The following SPDYE21 variants were observed in gnomAD, a reference collection of about 807,000 sequenced individuals.
SPDYE21 encodes speedy/RINGO cell cycle regulator family member E21.
SPDYE21 carries 14 observed loss-of-function variants against 36.2 expected under a neutral mutation model. That is an observed-to-expected ratio of 0.39 (90% CI 0.26 to 0.61). SPDYE21 has a LOEUF of 0.61. Ranked by LOEUF, SPDYE21 falls within the 20% of genes least tolerant of loss-of-function variation. SPDYE21 has a pLI of 0.55. For synonymous variants in SPDYE21, 58 were observed against 155.1 expected, an observed-to-expected ratio of 0.37 and a Z score of 4.65; for missense variants, 233 against 424.6, an observed-to-expected ratio of 0.55 and a Z score of 3.97.
chr7:67,287,822 C>G lies in SPDYE21; in HGVS notation c.*350C>G, dbSNP rs1802767451. ...GAATTCCAACCTCCCTGGGGCGGAACCTGGAGGTGCTGTTTCTTACGGACT... is the reference window on the plus strand; with the variant it reads ...GAATTCCAACCTCCCTGGGGCGGAAGCTGGAGGTGCTGTTTCTTACGGACT... On this transcript the variant is annotated 3_prime_UTR_variant, in exon 9 of 9. Coordinates refer to ENST00000424157, the MANE Select transcript of SPDYE21 (RefSeq NM_001382715.2). Among the ~76,000 whole-genome samples, 1 of 152,168 alleles carries G rather than the reference C, an allele frequency of 6.6e-6. No individual in the cohort carries two copies. Among genetic ancestry groups the G allele is most frequent in the African/African-American group, 2.4e-5 (1 of 41,434 alleles).
chr7:67,285,293 A>T (rs1467059435), intron 6 of SPDYE21, among the ~76,000 whole-genome samples: 1 of 152,158 alleles, frequency 6.6e-6, no homozygotes, highest in Admixed American at 6.6e-5. Context: ...ATAGCTCACC[A>T]CAGCCTCCAT....
chr7:67,284,159 G>C (rs1456178801), intron 6 of SPDYE21, among the ~76,000 whole-genome samples, 161 bp downstream of exon 6: 1 of 148,608 alleles, frequency 6.7e-6, no homozygotes, highest in African/African-American at 2.5e-5. Context: ...TTTCTAAACA[G>C]AAACTCAGGC....
In SPDYE21 at chr7:67,277,005, G is replaced by A. The variant is rs1218845423; in HGVS notation, c.-480G>A. ...TTCAGTGTGTGCCTTTTCTATGAGC[G>A]AGAGACTCCTAGGAAAGCAGCAGCC... On this transcript the variant is annotated 5_prime_UTR_variant, in exon 1 of 9. Coordinates refer to ENST00000424157, the MANE Select transcript of SPDYE21 (RefSeq NM_001382715.2). Among the ~76,000 whole-genome samples, 5 of 152,022 alleles carry A rather than the reference G, an allele frequency of 3.3e-5. No individual in the cohort carries two copies. Among genetic ancestry groups the A allele is most frequent in the African/African-American group, 9.7e-5 (4 of 41,392 alleles).
intron 6 of SPDYE21, among the ~76,000 whole-genome samples, chr7:67,285,363 G>A (rs1802711728): frequency 6.6e-6 from 1 of 151,326 alleles, no homozygotes; most frequent in African/African-American, 2.4e-5. Context: ...CTACAGGGCT[G>A]TGCCACCACA....
rs1802786697 is a variant in SPDYE21, at chr7:67,288,731, A to G, written c.*1259A>G. Among the ~76,000 whole-genome samples the G allele has an allele frequency of 7.0e-6, 1 of 143,220 alleles. No individual in the cohort carries two copies. Among genetic ancestry groups the G allele is most frequent in the Non-Finnish European group, 1.6e-5 (1 of 64,512 alleles). The allele number at this position is 143,220 out of a possible 152,430, so 94.0% of individuals were successfully genotyped here. A position where few individuals can be genotyped will look rare whatever the true frequency, so the allele number is the denominator to read the frequency against. On this transcript the variant is annotated 3_prime_UTR_variant, in exon 9 of 9. Coordinates refer to ENST00000424157, the MANE Select transcript of SPDYE21 (RefSeq NM_001382715.2). ...TGAAGGGAGCATGTTTTTATCTATG[A>G]TACTTAGTTAACATATATATTACAT...
chr7:67,286,861 C>T (rs1802746510), intron 8 of SPDYE21, among the ~76,000 whole-genome samples, 197 bp downstream of exon 8: 1 of 151,972 alleles, frequency 6.6e-6, no homozygotes, highest in Non-Finnish European at 1.5e-5. Context: ...GGGAGGATTG[C>T]TGGAGCCTGG....
At chr7:67,278,170 A>G (rs190927102) in intron 1 of SPDYE21, among the ~76,000 whole-genome samples, 122 bp from the exon 2 acceptor site, 5 of 74,086 alleles carry the variant, frequency 6.7e-5, no homozygotes, top group Non-Finnish European at 1.4e-4. Context: ...ACTCTTGTAC[A>G]TGATAATCTC....
intron 2 of SPDYE21, among the ~76,000 whole-genome samples, chr7:67,279,183 CA>C (rs1223759313): frequency 0.015 from 1,710 of 115,580 alleles, 29 homozygotes; most frequent in African/African-American, 0.044. Flanking sequence ...ACTGCACTCC[CA>C]AAAAAAAAAA....
chr7:67,287,131 C>T (rs1356414364), intron 8 of SPDYE21, among the ~76,000 whole-genome samples: 3 of 152,158 alleles, frequency 2.0e-5, no homozygotes, highest in East Asian at 1.9e-4. Context: ...ACTCGTGGTT[C>T]GTGATGTTGT....
In SPDYE21 at chr7:67,286,267, T is replaced by A. The variant is rs879078655; in HGVS notation, c.979T>A (p.Tyr327Asn). 24 of 1,579,544 alleles carry A rather than the reference T, an allele frequency of 1.5e-5. No homozygotes were observed. In the Middle Eastern group the frequency reaches 1.3e-3, roughly 85 times the overall value. ...GRSMNPRARKYRSRIPLVRKR... is the reference protein window; with the variant it reads ...GRSMNPRARKNRSRIPLVRKR... The stretch of plus-strand genomic sequence containing the variant: ...TTCCATGAACCCGAGGGCCAGGAAG[T>A]ACCGCTCTCGCATACCCTTGGTCCG... The change falls in exon 7 of 9, where the codon TAC (tyrosine) becomes AAC (asparagine). Residue 327 changes from tyrosine (Y) to asparagine (N), a missense_variant. Physicochemically the swap from Tyr to Asn is moderately radical, Grantham distance 143. This residue lies in a region of SPDYE21 where 139 missense variants were observed against 175.8 expected (regional missense o/e 0.79). Coordinates refer to ENST00000424157, the MANE Select transcript of SPDYE21 (RefSeq NM_001382715.2).
chr7:67,281,079 C>CACA (rs1357111652), intron 3 of SPDYE21, among the ~76,000 whole-genome samples: 10 of 99,814 alleles, frequency 1.0e-4, no homozygotes, highest in African/African-American at 3.2e-4. Flanking sequence ...AAGACTGTTT[C>CACA]GCAACAACAA....
At chr7:67,284,299 A>T (rs1412879760) in intron 6 of SPDYE21, among the ~76,000 whole-genome samples, 1 of 151,740 alleles carries the variant, frequency 6.6e-6, no homozygotes. Context: ...AACTAGAAAA[A>T]TTAGCTGGGC....
In SPDYE21 at chr7:67,288,171, AT is replaced by A. The variant is rs1250287734; in HGVS notation, c.*706del. ...ATCCTAAATATTTTATTATCTTTAA[AT>A]TTTTTTCTGTATTATTATATGTGCT... On this transcript the variant is annotated 3_prime_UTR_variant, in exon 9 of 9. Transcript: ENST00000424157. Among the ~76,000 whole-genome samples, 21 of 151,358 alleles carry A rather than the reference AT, an allele frequency of 1.4e-4. No individual in the cohort carries two copies. The highest frequency in any genetic ancestry group is 7.9e-4 in the Admixed American group (12 of 15,190).
At position 67,286,609 on chromosome 7, in the gene SPDYE21, A is replaced by C. The variant is rs199633489; in HGVS notation, c.1199A>C (p.His400Pro). Among the ~76,000 whole-genome samples, 1 of 151,440 alleles carries C rather than the reference A, an allele frequency of 6.6e-6. No homozygotes were observed. Among genetic ancestry groups the C allele is most frequent in the African/African-American group, 2.4e-5 (1 of 41,236 alleles). Residue 400 changes from histidine (H) to proline (P), a missense_variant, in exon 8 of 9, where the codon CAC becomes CCC. Physicochemically the swap from His to Pro is moderately conservative, Grantham distance 77. Transcript: ENST00000424157. ...EHWVWARDRA[H>P]LS is the part of the protein sequence containing the mutation. ...TGGGTGTGGGCACGAGATCGCGCTC[A>C]CCTTTCCTAGAGCTCCAGGGACCGT... is the stretch of plus-strand genomic sequence containing the variant.
chr7:67,277,339 A>G (rs1219580470), intron 1 of SPDYE21, among the ~76,000 whole-genome samples: 1 of 151,826 alleles, frequency 6.6e-6, no homozygotes, highest in Non-Finnish European at 1.5e-5. Context: ...GATTACAGGC[A>G]TGAGCCACTG....
chr7:67,282,258 A>G (rs913688518), intron 4 of SPDYE21, among the ~76,000 whole-genome samples: 2 of 152,186 alleles, frequency 1.3e-5, no homozygotes, highest in Non-Finnish European at 1.5e-5. Context: ...TCTAAACCTA[A>G]GTGTCTCCAT....
intron 5 of SPDYE21, among the ~76,000 whole-genome samples, chr7:67,283,333 T>C (rs970472373): frequency 2.0e-5 from 3 of 152,142 alleles, no homozygotes; most frequent in Non-Finnish European, 2.9e-5. Flanking sequence ...GGTCTCACTA[T>C]GTTGCCCAGG....
rs934465430 is a variant in SPDYE21, at chr7:67,278,780, C to T, written c.67C>T (p.Gln23Ter). Among the ~76,000 whole-genome samples the T allele has an allele frequency of 5.3e-5, 8 of 152,054 alleles. No individual in the cohort carries two copies. The highest frequency in any genetic ancestry group is 8.8e-5 in the Non-Finnish European group (6 of 68,032). Residue 23 changes from glutamine (Q) to a stop codon, truncating the protein, a stop_gained, in exon 2 of 9, where the codon CAA becomes TAA. Coordinates refer to ENST00000424157, the MANE Select transcript of SPDYE21 (RefSeq NM_001382715.2). LOFTEE classifies it high-confidence loss of function. ...TACGGGAAAGATCACGACCAGCCGT[C>T]AACTGCACCCCCAGAATGAGCAGAG... ...QITGKITTSR[Q>*]LHPQNEQSPQ...
chr7:67,286,014 C>T (rs1406321893), intron 6 of SPDYE21, 30 bp from the exon 7 acceptor site: 12 of 1,612,190 alleles, frequency 7.4e-6, no homozygotes, highest in Non-Finnish European at 1.0e-5. Context: ...TGGTGGTGCC[C>T]CTGAGCAGCA....
Sources: gnomAD v4.1 joint callset for allele counts (sites outside exome capture counted in the v4.1 genomes callset) on GRCh38, gnomAD v4.1.1 for gene constraint, gnomAD v4.1.1 regional missense constraint, MANE v1.5 for transcripts, NCBI Gene and HGNC (gene_info 2026-07-23, HGNC 2026-07-21) for gene names.